Variants in UBE2H observed in about 807,000 individuals in gnomAD.
The protein encoded by UBE2H is ubiquitin-conjugating enzyme E2 H.
In UBE2H, 3 loss-of-function variants were observed where a neutral mutation model predicts 29.0. The ratio of observed to expected loss-of-function variants is 0.10; its 90% CI spans 0.05 to 0.27. The LOEUF (loss-of-function observed/expected upper bound fraction) is 0.27, where lower values mean the gene tolerates loss of function less well. UBE2H is among the 10% of genes least tolerant of loss of function. The pLI is 1.00. For missense variants in UBE2H, 68 were observed against 228.2 expected (o/e 0.30, Z 4.52); for synonymous variants, 69 against 82.9 (o/e 0.83, Z 0.91).
At chr7:129,928,928 T>A (rs1232492677) in intron 1 of UBE2H, among the ~76,000 whole-genome samples, 3 of 152,206 alleles carry the variant, frequency 2.0e-5, no homozygotes, top group African/African-American at 7.2e-5. Context: ...GAAATCTAGT[T>A]TTCTTGCTTG....
intron 1 of UBE2H, among the ~76,000 whole-genome samples, chr7:129,927,493 T>A (rs923395939): frequency 6.6e-6 from 1 of 152,158 alleles, no homozygotes; most frequent in Admixed American, 6.5e-5. Flanking sequence ...TGAGCCGAGA[T>A]TGCGCCACTG....
chr7:129,890,341 ATATGTATG>A (rs1327937357), intron 1 of UBE2H, among the ~76,000 whole-genome samples: 1 of 151,834 alleles, frequency 6.6e-6, no homozygotes, highest in African/African-American at 2.4e-5. Context: ...GTGTGTATAT[ATATGTATG>A]TATATATACA....
At chr7:129,850,157 A>G (rs928395937) in intron 5 of UBE2H, among the ~76,000 whole-genome samples, 3 of 152,100 alleles carry the variant, frequency 2.0e-5, no homozygotes, top group Non-Finnish European at 4.4e-5. Context: ...ACTTGAGCCC[A>G]GGGGTTCGAG....
intron 1 of UBE2H, among the ~76,000 whole-genome samples, chr7:129,944,256 C>G (rs1012777471): frequency 6.6e-6 from 1 of 151,600 alleles, no homozygotes; most frequent in Non-Finnish European, 1.5e-5. Context: ...CTCAGGAGGC[C>G]GAGGCAGGAG....
chr7:129,836,438 G>A (rs1224692404), intron 6 of UBE2H, among the ~76,000 whole-genome samples: 2 of 152,222 alleles, frequency 1.3e-5, no homozygotes, highest in East Asian at 3.8e-4. Flanking sequence ...TGTCACCAGA[G>A]GGAAGCAGTT....
chr7:129,930,679 C>A (rs574185446), intron 1 of UBE2H, among the ~76,000 whole-genome samples: 1 of 151,220 alleles, frequency 6.6e-6, no homozygotes. Context: ...GAGGCCGAGG[C>A]GGGTGGATCA....
At chr7:129,948,252 C>T (rs1314447905) in intron 1 of UBE2H, among the ~76,000 whole-genome samples, 1 of 151,770 alleles carries the variant, frequency 6.6e-6, no homozygotes, top group Non-Finnish European at 1.5e-5. Flanking sequence ...AACTCCTACA[C>T]TTAGGTGATC....
intron 1 of UBE2H, among the ~76,000 whole-genome samples, chr7:129,886,242 T>C (rs1171271867): frequency 6.6e-6 from 1 of 152,204 alleles, no homozygotes; most frequent in African/African-American, 2.4e-5. Context: ...CACCATTTTG[T>C]GTAGAATAAT....
rs532234056 is a variant in UBE2H at position 129,849,586 on chromosome 7, T to C, written c.298+7925A>G. Among the ~76,000 whole-genome samples the C allele has an allele frequency of 7.2e-5, 11 of 152,112 alleles. No homozygotes were observed. The South Asian group carries it at 2.3e-3, about 32-fold the overall frequency. On this transcript the variant is annotated intron_variant, in intron 5 of 6. Transcript: ENST00000355621. ...GAGCAAGACTCCATCTCAAATAAAA[T>C]AAAATAAAATAATAAAACAATTAAT...
chr7:129,945,555 A>G (rs940977231), intron 1 of UBE2H, among the ~76,000 whole-genome samples: 3 of 152,186 alleles, frequency 2.0e-5, no homozygotes, highest in Non-Finnish European at 2.9e-5. Flanking sequence ...TAGGGCTCTG[A>G]GATTTTTAAT....
At chr7:129,925,910 C>G (rs932563683) in intron 1 of UBE2H, among the ~76,000 whole-genome samples, 10 of 152,206 alleles carry the variant, frequency 6.6e-5, no homozygotes, top group Non-Finnish European at 1.2e-4. Context: ...ACCATCACAA[C>G]TACATTATTC....
At chr7:129,922,504 T>C (rs1198978397) in intron 1 of UBE2H, among the ~76,000 whole-genome samples, 1 of 152,146 alleles carries the variant, frequency 6.6e-6, no homozygotes, top group Non-Finnish European at 1.5e-5. Context: ...CTCGAACTCC[T>C]GACCTCAAGT....
At chr7:129,890,126 C>CT (rs1481485927) in intron 1 of UBE2H, among the ~76,000 whole-genome samples, 3 of 151,990 alleles carry the variant, frequency 2.0e-5, no homozygotes, top group African/African-American at 7.3e-5. Context: ...AACATAGACC[C>CT]TGTAGCTTAA....
intron 5 of UBE2H, among the ~76,000 whole-genome samples, chr7:129,854,437 T>G (rs1442397644): frequency 2.0e-5 from 3 of 152,238 alleles, no homozygotes; most frequent in African/African-American, 7.2e-5. Context: ...AAAATATTTC[T>G]TCTTGTTTTC....
intron 1 of UBE2H, among the ~76,000 whole-genome samples, chr7:129,929,271 C>CGT (rs1807338660): frequency 6.7e-6 from 1 of 149,420 alleles, no homozygotes; most frequent in Non-Finnish European, 1.5e-5. Flanking sequence ...GAGCCAAGAT[C>CGT]GTGCCATTGC....
chr7:129,908,100 G>A (rs1004806873), intron 1 of UBE2H, among the ~76,000 whole-genome samples: 12 of 152,156 alleles, frequency 7.9e-5, no homozygotes, highest in African/African-American at 2.9e-4. Flanking sequence ...TACGAGGTTT[G>A]GCTTGGATAT....
intron 5 of UBE2H, among the ~76,000 whole-genome samples, chr7:129,843,764 G>A (rs1805467341): frequency 1.3e-5 from 2 of 152,132 alleles, no homozygotes; most frequent in Non-Finnish European, 2.9e-5. Context: ...GAGGTAACCC[G>A]CAGACACCTG....
intron 1 of UBE2H, among the ~76,000 whole-genome samples, chr7:129,925,778 C>T (rs1466929341): frequency 2.0e-5 from 3 of 152,130 alleles, no homozygotes; most frequent in East Asian, 3.9e-4. Flanking sequence ...GAAACAGTGA[C>T]GTGATGGCAG....
In UBE2H at chr7:129,850,254, C is replaced by T. The variant is rs556120164; in HGVS notation, c.298+7257G>A. ...TGGTGGTGCATGCCTGTAGTCTCTG[C>T]TATTTGAGAGGCTGAGACAGGAGGA... On this transcript the variant is annotated intron_variant, in intron 5 of 6. Coordinates refer to ENST00000355621, the MANE Select transcript of UBE2H (RefSeq NM_003344.4). 1.1e-4 allele frequency among the ~76,000 whole-genome samples: 16 copies of T among 152,156 alleles called. No homozygotes were observed. In the South Asian group the frequency reaches 2.7e-3, roughly 26 times the overall value.
Sources: gnomAD v4.1 joint callset for allele counts (sites outside exome capture counted in the v4.1 genomes callset) on GRCh38, gnomAD v4.1.1 for gene constraint, MANE v1.5 for transcripts, NCBI Gene and HGNC (gene_info 2026-07-23, HGNC 2026-07-21) for gene names.